FBXL17: variants seen among roughly 807,000 people sequenced by gnomAD.
FBXL17 encodes the protein F-box and leucine rich repeat protein 17, also known as F-box/LRR-repeat protein 17.
In FBXL17, 22 loss-of-function variants were observed where a neutral mutation model predicts 66.2. The observed-to-expected ratio is 0.33, with a 90% CI of 0.24 to 0.47. The LOEUF (loss-of-function observed/expected upper bound fraction) is 0.47, where lower values mean the gene tolerates loss of function less well. Ranked by LOEUF, FBXL17 falls within the 20% of genes least tolerant of loss-of-function variation. The probability of loss-of-function intolerance (pLI) is 1.00; values close to 1 mark genes in which losing one functional copy is unlikely to be tolerated. For missense variants in FBXL17, 878 were observed against 948.2 expected, an observed-to-expected ratio of 0.93 and a Z score of 0.97; for synonymous variants, 474 against 400.5, an observed-to-expected ratio of 1.18 and a Z score of -2.19.
At chr5:108,312,599 C>T (rs916997408) in intron 4 of FBXL17, among the ~76,000 whole-genome samples, 10 of 151,842 alleles carry the variant, frequency 6.6e-5, no homozygotes, top group Non-Finnish European at 1.3e-4. Flanking sequence ...AAAAAAAAAC[C>T]CTGCTATTCT....
chr5:108,352,715 T>C (rs1232543399), intron 3 of FBXL17, among the ~76,000 whole-genome samples: 1 of 152,168 alleles, frequency 6.6e-6, no homozygotes, highest in Non-Finnish European at 1.5e-5. Flanking sequence ...TTCACTATGT[T>C]GGCCAGGCTG....
chr5:107,994,123 T>C (rs755880480), intron 7 of FBXL17, among the ~76,000 whole-genome samples: 14 of 152,190 alleles, frequency 9.2e-5, no homozygotes, highest in Admixed American at 8.5e-4. Context: ...GGAAAAGGCA[T>C]AATACATATT....
intron 7 of FBXL17, among the ~76,000 whole-genome samples, chr5:107,904,213 C>T (rs1749673151): frequency 6.6e-6 from 1 of 152,114 alleles, no homozygotes. Context: ...ATTCTTCCTC[C>T]TATTTCCTAT....
chr5:108,348,760 A>T (rs1344357211), intron 3 of FBXL17, among the ~76,000 whole-genome samples: 1 of 152,166 alleles, frequency 6.6e-6, no homozygotes, highest in African/African-American at 2.4e-5. Context: ...AAGCCCTCCA[A>T]GGTATGTATA....
chr5:108,001,663 G>C (rs1426509908), intron 7 of FBXL17, among the ~76,000 whole-genome samples: 1 of 151,878 alleles, frequency 6.6e-6, no homozygotes, highest in Non-Finnish European at 1.5e-5. Flanking sequence ...AGCACACCCA[G>C]CTAATTTTCC....
At chr5:108,357,889 C>T (rs1162752732) in intron 3 of FBXL17, among the ~76,000 whole-genome samples, 2 of 151,816 alleles carry the variant, frequency 1.3e-5, no homozygotes, top group South Asian at 2.1e-4. Flanking sequence ...AAAAATAAAA[C>T]ATCAAAATTT....
chr5:108,293,020 G>A (rs1231102203), intron 4 of FBXL17, among the ~76,000 whole-genome samples: 5 of 150,724 alleles, frequency 3.3e-5, no homozygotes, highest in African/African-American at 4.9e-5. Context: ...CCCGGGAGGC[G>A]GAGCTTATAG....
intron 6 of FBXL17, among the ~76,000 whole-genome samples, chr5:108,179,106 A>G (rs1192245554): frequency 6.6e-6 from 1 of 152,208 alleles, no homozygotes; most frequent in Non-Finnish European, 1.5e-5. Flanking sequence ...ACTTATAAAT[A>G]CAATATATAG....
At chr5:107,879,866 G>C (rs1748728810) in intron 8 of FBXL17, 1 of 985,328 alleles carries the variant, frequency 1.0e-6, no homozygotes. Context: ...TGCCCCCTGG[G>C]TTGTGCCAGC....
At chr5:108,182,975 G>A (rs1322938404) in intron 6 of FBXL17, among the ~76,000 whole-genome samples, 1 of 150,068 alleles carries the variant, frequency 6.7e-6, no homozygotes, top group African/African-American at 2.5e-5. Context: ...TTCTACACAT[G>A]TCCTGTATAC....
intron 5 of FBXL17, among the ~76,000 whole-genome samples, chr5:108,203,103 G>A (rs1753966316): frequency 6.6e-6 from 1 of 152,030 alleles, no homozygotes; most frequent in South Asian, 2.1e-4. Flanking sequence ...TGTATCTTAT[G>A]TTAATGAAAG....
chr5:107,946,097 G>A (rs1222915944), intron 7 of FBXL17, among the ~76,000 whole-genome samples: 1 of 150,736 alleles, frequency 6.6e-6, no homozygotes, highest in Non-Finnish European at 1.5e-5. Flanking sequence ...TAAGGAAATG[G>A]AATAATTACT....
chr5:107,958,509 T>C (rs1224354787), intron 7 of FBXL17, among the ~76,000 whole-genome samples: 1 of 152,244 alleles, frequency 6.6e-6, no homozygotes, highest in Non-Finnish European at 1.5e-5. Flanking sequence ...TCTTTCCTTC[T>C]ATAGTTTGCC....
intron 4 of FBXL17, among the ~76,000 whole-genome samples, chr5:108,250,454 TG>T (rs1246252953): frequency 6.6e-6 from 1 of 152,142 alleles, no homozygotes; most frequent in Admixed American, 6.6e-5. Flanking sequence ...TTTTGAAGGA[TG>T]TTTTTTAGTG....
intron 7 of FBXL17, among the ~76,000 whole-genome samples, chr5:107,953,709 T>G (rs1255732889): frequency 6.6e-6 from 1 of 152,210 alleles, no homozygotes; most frequent in Non-Finnish European, 1.5e-5. Context: ...AGGTAATCCC[T>G]GCATGAAATC....
At chr5:107,930,152 C>T (rs760161096) in intron 7 of FBXL17, among the ~76,000 whole-genome samples, 21 of 152,164 alleles carry the variant, frequency 1.4e-4, no homozygotes, top group Non-Finnish European at 2.2e-4. Context: ...CACCCTTCAA[C>T]GGCTTCCTGT....
At chr5:108,296,551 A>G (rs1030441519) in intron 4 of FBXL17, among the ~76,000 whole-genome samples, 1 of 151,848 alleles carries the variant, frequency 6.6e-6, no homozygotes, top group Non-Finnish European at 1.5e-5. Context: ...TTTACTGTAC[A>G]TTATTAATGT....
chr5:108,325,243 TAGAA>T lies in FBXL17; in HGVS notation c.1506+23152_1506+23155del, dbSNP rs201793297. On this transcript the variant is annotated intron_variant, in intron 4 of 8. Transcript: ENST00000542267. ...TTTATTTAAGAGATAAAAAAACTGA[TAGAA>T]AGGCACAAACTTGCCACGTACCGCC... Among the ~76,000 whole-genome samples the T allele has an allele frequency of 7.5e-3, 1,146 of 152,190 alleles. 5 individuals carry two copies. Among genetic ancestry groups the T allele is most frequent in the African/African-American group, 0.011 (451 of 41,518 alleles).
intron 7 of FBXL17, among the ~76,000 whole-genome samples, chr5:107,996,800 T>C (rs868769565): frequency 6.6e-6 from 1 of 152,088 alleles, no homozygotes; most frequent in Admixed American, 6.6e-5. Flanking sequence ...CAAGGTTGGG[T>C]TTTGAACTTA....
Sources: allele counts gnomAD v4.1 joint callset (sites outside exome capture counted in the v4.1 genomes callset), GRCh38; gene constraint gnomAD v4.1.1; transcripts MANE v1.5; gene names NCBI Gene and HGNC (gene_info 2026-07-23, HGNC 2026-07-21).